The following TMEM131L variants were observed in gnomAD, a reference collection of about 807,000 sequenced individuals.
The protein encoded by TMEM131L is transmembrane 131 like.
Under a neutral mutation model 192.2 loss-of-function variants are expected in TMEM131L, and 54 were observed. The ratio of observed to expected loss-of-function variants is 0.28; its 90% CI spans 0.23 to 0.35. The LOEUF is 0.35. TMEM131L is among the 10% of genes least tolerant of loss of function. The pLI, the probability that TMEM131L is intolerant of heterozygous loss-of-function variation, is 1.00. For missense variants in TMEM131L, 1,888 were observed against 1,972.9 expected (o/e 0.96, Z 0.82); for synonymous variants, 701 against 704.9 (o/e 0.99, Z 0.09).
intron 33 of TMEM131L, 131 bp from the exon 34 acceptor site, chr4:153,635,301 C>G (rs567807142): frequency 2.4e-5 from 19 of 788,634 alleles, no homozygotes; most frequent in Non-Finnish European, 3.7e-5. Flanking sequence ...TCTCCTGGTC[C>G]ACACGGACCA....
In TMEM131L at chr4:153,555,053, G is replaced by A. The variant is rs897966985; in HGVS notation, c.309-734G>A. Among the ~76,000 whole-genome samples the A allele has an allele frequency of 6.6e-6, 1 of 152,208 alleles. No individual in the cohort carries two copies. Among genetic ancestry groups the A allele is most frequent in the East Asian group, 1.9e-4 (1 of 5,206 alleles). On this transcript the variant is annotated intron_variant, in intron 4 of 34. Transcript: ENST00000409959. The surrounding 1 kb of genome is among the most constrained non-coding windows in gnomAD (Gnocchi z 4.1). Reference sequence around the variant, plus strand: ...TTTGAAGCTGTGTATGAAACTTTTCGTAAGTGTATGTTTGTGGAGGGAAGA... The same window carrying A: ...TTTGAAGCTGTGTATGAAACTTTTCATAAGTGTATGTTTGTGGAGGGAAGA...
At chr4:153,611,137 G>T (rs1732581200) in intron 25 of TMEM131L, among the ~76,000 whole-genome samples, 1 of 152,254 alleles carries the variant, frequency 6.6e-6, no homozygotes. Context: ...TGATTAATCA[G>T]CTGTTGGCTC....
rs1482067670 is a variant in TMEM131L, at chr4:153,555,834, G to A, written c.356G>A (p.Ser119Asn). 5.8e-6 allele frequency: 9 copies of A among 1,551,656 alleles called. No homozygotes were observed. The East Asian group carries it at 1.7e-4, about 29-fold the overall frequency. ...VAKILHAYNP[S>N]RDSEVVVNSV... Reference sequence around the variant, plus strand: ...AAGATTCTCCATGCTTACAACCCTAGTAGGGACAGCGAGGTTGTGGTGAAT... The same window carrying A: ...AAGATTCTCCATGCTTACAACCCTAATAGGGACAGCGAGGTTGTGGTGAAT... Residue 119 changes from serine (S) to asparagine (N), a missense_variant, in exon 5 of 35, where the codon AGT becomes AAT. By Grantham distance (46) the Ser-to-Asn change is conservative. Coordinates refer to ENST00000409959, the MANE Select transcript of TMEM131L (RefSeq NM_001131007.2). The surrounding 1 kb of genome is among the most constrained non-coding windows in gnomAD (Gnocchi z 4.1).
rs1452167127 is a variant in TMEM131L, at chr4:153,550,060, T to C, written c.240-13T>C. The stretch of plus-strand genomic sequence containing the variant: ...AAACTACAACAAAATCAACCTCTCT[T>C]TTCTTTTTTTAGCTTCTCGGACAAA... On this transcript the variant is annotated splice_polypyrimidine_tract_variant and intron_variant, in intron 3 of 34. Coordinates refer to ENST00000409959, the MANE Select transcript of TMEM131L (RefSeq NM_001131007.2). 26 of 1,414,836 alleles carry C rather than the reference T, an allele frequency of 1.8e-5. No homozygotes were observed. The highest frequency in any genetic ancestry group is 2.9e-5 in the South Asian group (2 of 69,564). 87.6% of individuals were successfully genotyped at this position (1,414,836 alleles called of 1,614,324 possible). A position where few individuals can be genotyped will look rare whatever the true frequency, so the allele number is the denominator to read the frequency against.
chr4:153,593,874 A>G lies in TMEM131L; in HGVS notation c.1995+3A>G, dbSNP rs1311419456. The G allele has an allele frequency of 1.2e-6, 2 of 1,604,122 alleles. No individual in the cohort carries two copies. Among genetic ancestry groups the G allele is most frequent in the Non-Finnish European group, 1.7e-6 (2 of 1,170,910 alleles). Reference sequence around the variant, plus strand: ...TCACCGAAGCTTGCCCTTACCTGGTAGGATGTTATCCTAAAACAGAAAAAA... The same window carrying G: ...TCACCGAAGCTTGCCCTTACCTGGTGGGATGTTATCCTAAAACAGAAAAAA... On this transcript the variant is annotated splice_donor_region_variant and intron_variant, in intron 19 of 34. Coordinates refer to ENST00000409959, the MANE Select transcript of TMEM131L (RefSeq NM_001131007.2).
At chr4:153,488,261 G>GA (rs1732504416) in intron 3 of TMEM131L, among the ~76,000 whole-genome samples, 1 of 152,162 alleles carries the variant, frequency 6.6e-6, no homozygotes, top group African/African-American at 2.4e-5. Flanking sequence ...GGGGCATGAG[G>GA]AAGGATATTA....
At chr4:153,626,462 C>A (rs1733850482) in intron 30 of TMEM131L, among the ~76,000 whole-genome samples, 1 of 152,056 alleles carries the variant, frequency 6.6e-6, no homozygotes, top group South Asian at 2.1e-4. Context: ...TTGGAAAATA[C>A]CTAAGTTTTG....
intron 29 of TMEM131L, among the ~76,000 whole-genome samples, chr4:153,624,407 C>T (rs1164550834): frequency 6.6e-6 from 1 of 152,258 alleles, no homozygotes; most frequent in Admixed American, 6.5e-5. Flanking sequence ...GCGTGGGCCA[C>T]TGCGCCCGGC....
chr4:153,594,609 A>G (rs1345272516), intron 19 of TMEM131L, among the ~76,000 whole-genome samples: 2 of 152,232 alleles, frequency 1.3e-5, no homozygotes, highest in East Asian at 3.8e-4. Context: ...TTACTACACT[A>G]TATTTAAGCG....
rs574739282 is a variant in TMEM131L at position 153,556,589 on chromosome 4, C to G, written c.433-377C>G. ...GTTTATGACAGTCTGTCTGGGTAAA[C>G]GTTGTTCCTGATTTTTATTACATAT... On this transcript the variant is annotated intron_variant, in intron 5 of 34. Coordinates refer to ENST00000409959, the MANE Select transcript of TMEM131L (RefSeq NM_001131007.2). Among the ~76,000 whole-genome samples the G allele has an allele frequency of 5.9e-5, 9 of 152,092 alleles. No individual in the cohort carries two copies. In the South Asian group the frequency reaches 1.9e-3, roughly 32 times the overall value.
At chr4:153,490,246 G>A (rs565029672) in intron 3 of TMEM131L, among the ~76,000 whole-genome samples, 16 of 152,288 alleles carry the variant, frequency 1.1e-4, no homozygotes, top group Admixed American at 3.9e-4. Flanking sequence ...TGACTTTCAG[G>A]TAACTTAATT....
intron 3 of TMEM131L, among the ~76,000 whole-genome samples, chr4:153,525,291 C>G (rs1735389923): frequency 6.6e-6 from 1 of 152,186 alleles, no homozygotes; most frequent in South Asian, 2.1e-4. Flanking sequence ...GAGCCAGTGC[C>G]TGTTCTTTCA....
chr4:153,480,340 A>G (rs1731842298), intron 3 of TMEM131L, among the ~76,000 whole-genome samples: 1 of 151,992 alleles, frequency 6.6e-6, no homozygotes, highest in Admixed American at 6.6e-5. Context: ...CTCCGTCTCA[A>G]AAGAAAACAA....
At chr4:153,608,184 G>T (rs532290831) in intron 25 of TMEM131L, among the ~76,000 whole-genome samples, 1 of 152,216 alleles carries the variant, frequency 6.6e-6, no homozygotes, top group Non-Finnish European at 1.5e-5. Context: ...CATTTCCCCT[G>T]CCTGCTTCGG....
In TMEM131L at chr4:153,555,125, G is replaced by A. The variant is rs75105421; in HGVS notation, c.309-662G>A. Among the ~76,000 whole-genome samples, 3,046 of 152,240 alleles carry A rather than the reference G, an allele frequency of 0.02. 117 individuals carry two copies. Among genetic ancestry groups the A allele is most frequent in the African/African-American group, 0.069 (2,883 of 41,510 alleles). On this transcript the variant is annotated intron_variant, in intron 4 of 34. Transcript: ENST00000409959. The surrounding 1 kb of genome is among the most constrained non-coding windows in gnomAD (Gnocchi z 4.1). The stretch of plus-strand genomic sequence containing the variant: ...TTTGGAAAGGCTCATAATTTAAATG[G>A]ATGAGAACCTCTGCTGCAAAGTGCT...
In TMEM131L at chr4:153,603,193, C is replaced by T. The variant is rs1731967642; in HGVS notation, c.2640-110C>T. On this transcript the variant is annotated intron_variant, in intron 23 of 34. Transcript: ENST00000409959. ...TAAATCTTAGGGAATTTTAATACTGCATCTTCAGATGTTTTTCGTAAATCA... is the reference window on the plus strand; with the variant it reads ...TAAATCTTAGGGAATTTTAATACTGTATCTTCAGATGTTTTTCGTAAATCA... The T allele has an allele frequency of 1.4e-5, 12 of 874,214 alleles. No homozygotes were observed. The South Asian group carries it at 2.6e-4, about 19-fold the overall frequency. The allele number at this position is 874,214 out of a possible 1,614,324, so 54.2% of individuals were successfully genotyped here.
intron 3 of TMEM131L, among the ~76,000 whole-genome samples, chr4:153,504,128 G>A (rs924826781): frequency 1.3e-4 from 19 of 151,836 alleles, no homozygotes; most frequent in South Asian, 6.2e-4. Flanking sequence ...CACCACGCCC[G>A]GCTAATTTTT....
intron 13 of TMEM131L, 114 bp downstream of exon 13, chr4:153,585,725 T>A: frequency 1.7e-6 from 1 of 597,198 alleles, no homozygotes; most frequent in Non-Finnish European, 2.5e-6. Flanking sequence ...GCTATGAAGT[T>A]ATTATTTATA....
intron 3 of TMEM131L, among the ~76,000 whole-genome samples, chr4:153,542,228 G>A: frequency 6.6e-6 from 1 of 152,146 alleles, no homozygotes; most frequent in Non-Finnish European, 1.5e-5. Flanking sequence ...GATAGGCAGA[G>A]GAAGAGGAGT....
Sources: allele counts gnomAD v4.1 joint callset (sites outside exome capture counted in the v4.1 genomes callset), GRCh38; gene constraint gnomAD v4.1.1; non-coding constraint Gnocchi (gnomAD v3.1); transcripts MANE v1.5; gene names NCBI Gene and HGNC (gene_info 2026-07-23, HGNC 2026-07-21).